Variants in AFG2A observed in about 807,000 individuals in gnomAD.
The protein encoded by AFG2A is ATPase family gene 2 protein homolog A.
chr4:123,176,698 T>C, the AFG2A span, among the ~76,000 whole-genome samples: 1 of 152,174 alleles, frequency 6.6e-6, no homozygotes, highest in South Asian at 2.1e-4. Flanking sequence ...TAGTGTGCTA[T>C]GTAGATTGAA....
the AFG2A span, among the ~76,000 whole-genome samples, chr4:123,208,316 ACAGTTGC>A: frequency 1.1e-3 from 174 of 152,294 alleles, no homozygotes; most frequent in African/African-American, 4.1e-3. Flanking sequence ...CCTAAATATA[ACAGTTGC>A]CATAAAATTC....
the AFG2A span, among the ~76,000 whole-genome samples, chr4:122,968,518 CCTTCT>C: frequency 1.3e-5 from 2 of 152,182 alleles, no homozygotes; most frequent in African/African-American, 4.8e-5. Context: ...GCCTGTTTTG[CCTTCT>C]CTTCTTTCAC....
At chr4:123,016,857 C>T in the AFG2A span, among the ~76,000 whole-genome samples, 2 of 152,156 alleles carry the variant, frequency 1.3e-5, no homozygotes, top group Admixed American at 6.5e-5. Context: ...AACCAGACTC[C>T]GTCTGCAATC....
chr4:123,055,143 T>G, the AFG2A span, among the ~76,000 whole-genome samples: 1 of 152,212 alleles, frequency 6.6e-6, no homozygotes, highest in Non-Finnish European at 1.5e-5. Flanking sequence ...ATATCAGTTC[T>G]GTTCAAGTGT....
chr4:123,274,532 A>G, the AFG2A span, among the ~76,000 whole-genome samples: 3 of 151,974 alleles, frequency 2.0e-5, no homozygotes, highest in African/African-American at 7.2e-5. Context: ...TTTGATGATA[A>G]CAGATTTGGA....
chr4:122,951,809 C>A, the AFG2A span, among the ~76,000 whole-genome samples: 13 of 152,284 alleles, frequency 8.5e-5, no homozygotes, highest in East Asian at 2.3e-3. Flanking sequence ...GTGTACCAGG[C>A]CTGGTCAGTC....
At chr4:123,230,137 C>T in the AFG2A span, among the ~76,000 whole-genome samples, 1 of 151,892 alleles carries the variant, frequency 6.6e-6, no homozygotes, top group Non-Finnish European at 1.5e-5. Flanking sequence ...TTAAGATTAA[C>T]AGTGAAGTTT....
the AFG2A span, among the ~76,000 whole-genome samples, chr4:123,154,577 A>C: frequency 6.6e-6 from 1 of 152,202 alleles, no homozygotes; most frequent in Non-Finnish European, 1.5e-5. Flanking sequence ...AAAACTAAAA[A>C]AATAGAAACA....
At chr4:123,099,891 C>A in the AFG2A span, among the ~76,000 whole-genome samples, 1 of 151,740 alleles carries the variant, frequency 6.6e-6, no homozygotes, top group Non-Finnish European at 1.5e-5. Flanking sequence ...TATTTAGCAA[C>A]ATTGGGATTT....
chr4:123,078,726 C>T, the AFG2A span, among the ~76,000 whole-genome samples: 1 of 152,046 alleles, frequency 6.6e-6, no homozygotes, highest in African/African-American at 2.4e-5. Flanking sequence ...TCCTAGGACC[C>T]ACAGAGATTG....
the AFG2A span, among the ~76,000 whole-genome samples, chr4:123,077,133 C>T: frequency 2.7e-5 from 4 of 150,848 alleles, no homozygotes; most frequent in Admixed American, 6.6e-5. Flanking sequence ...CTGCAAGCTC[C>T]GCCTCCTGGG....
At chr4:123,011,825 G>A in the AFG2A span, among the ~76,000 whole-genome samples, 1 of 152,122 alleles carries the variant, frequency 6.6e-6, no homozygotes, top group African/African-American at 2.4e-5. Flanking sequence ...AGAGAGGGTA[G>A]AGACAGAGTG....
chr4:123,013,083 A>G, the AFG2A span, among the ~76,000 whole-genome samples: 3 of 152,022 alleles, frequency 2.0e-5, no homozygotes, highest in Non-Finnish European at 4.4e-5. Flanking sequence ...GGGCCGTTTT[A>G]TAGGATTTGG....
At chr4:123,150,572 C>T in the AFG2A span, among the ~76,000 whole-genome samples, 4 of 152,098 alleles carry the variant, frequency 2.6e-5, no homozygotes, top group Non-Finnish European at 5.9e-5. Context: ...ATGTGAAGGA[C>T]CTCTTTAAGG....
the AFG2A span, among the ~76,000 whole-genome samples, chr4:122,987,799 T>G: frequency 3.1e-3 from 470 of 152,326 alleles, 2 homozygotes; most frequent in African/African-American, 0.011. Flanking sequence ...TATTGCTATT[T>G]GTAATTTTTT....
the AFG2A span, among the ~76,000 whole-genome samples, chr4:123,303,409 C>T: frequency 6.6e-6 from 1 of 152,076 alleles, no homozygotes; most frequent in Admixed American, 6.6e-5. Flanking sequence ...CTTCACCATG[C>T]AAGTTTATAA....
At chr4:122,924,805 T>C in the AFG2A span, among the ~76,000 whole-genome samples, 4 of 152,262 alleles carry the variant, frequency 2.6e-5, no homozygotes, top group East Asian at 7.7e-4. Flanking sequence ...AAATTTATAA[T>C]AGGTCACAGA....
the AFG2A span, among the ~76,000 whole-genome samples, chr4:123,249,996 A>G: frequency 6.6e-6 from 1 of 152,274 alleles, no homozygotes; most frequent in Non-Finnish European, 1.5e-5. Flanking sequence ...TTTTTATTAA[A>G]GTATAAAGGC....
At chr4:122,929,342 A>G in the AFG2A span, 1 of 905,428 alleles carries the variant, frequency 1.1e-6, no homozygotes, top group East Asian at 3.1e-5. Flanking sequence ...GAATTACAAT[A>G]GTATGTTTTA....
Sources: allele counts gnomAD v4.1 joint callset (sites outside exome capture counted in the v4.1 genomes callset), GRCh38; gene constraint gnomAD v4.1.1; transcripts MANE v1.5; gene names NCBI Gene and HGNC (gene_info 2026-07-23, HGNC 2026-07-21).